Variants in FHIT observed in about 807,000 individuals in gnomAD.
The protein encoded by FHIT is fragile histidine triad diadenosine triphosphatase, also known as bis(5'-adenosyl)-triphosphatase.
Under a neutral mutation model 17.9 loss-of-function variants are expected in FHIT, and 19 were observed. The observed-to-expected ratio is 1.06, with a 90% CI of 0.74 to 1.56. FHIT has a LOEUF of 1.56. Ranked by LOEUF, FHIT falls within the 40% of genes most tolerant of loss-of-function variation. FHIT has a pLI of 0.00. For synonymous variants in FHIT, 81 were observed against 69.7 expected (o/e 1.16, Z -0.81); for missense variants, 248 against 189.2 (o/e 1.31, Z -1.82).
intron 3 of FHIT, among the ~76,000 whole-genome samples, chr3:60,852,225 A>T (rs1173477123): frequency 6.6e-6 from 1 of 152,080 alleles, no homozygotes; most frequent in Non-Finnish European, 1.5e-5. Flanking sequence ...TTTGGACTCT[A>T]ACTGAAACAC....
intron 5 of FHIT, among the ~76,000 whole-genome samples, chr3:60,130,805 A>G (rs1274347443): frequency 3.6e-5 from 5 of 137,074 alleles, no homozygotes; most frequent in African/African-American, 8.7e-5. Flanking sequence ...ACACACATAT[A>G]TATGTGTGTA....
At chr3:61,220,576 C>G (rs1382187269) in intron 1 of FHIT, among the ~76,000 whole-genome samples, 1 of 152,124 alleles carries the variant, frequency 6.6e-6, no homozygotes, top group Non-Finnish European at 1.5e-5. Flanking sequence ...GGGAGCTAAT[C>G]AATATTGTTA....
chr3:61,234,424 G>A (rs1391780663), intron 1 of FHIT, among the ~76,000 whole-genome samples: 3 of 152,172 alleles, frequency 2.0e-5, no homozygotes, highest in African/African-American at 7.2e-5. Context: ...ATACTCTGTA[G>A]ACATTAATGC....
intron 4 of FHIT, among the ~76,000 whole-genome samples, chr3:60,683,346 T>G (rs1427295423): frequency 2.0e-5 from 3 of 152,126 alleles, no homozygotes; most frequent in Non-Finnish European, 4.4e-5. Flanking sequence ...GTTGAAAACT[T>G]TACTGTTTTC....
At chr3:60,431,162 G>T (rs1392722233) in intron 5 of FHIT, among the ~76,000 whole-genome samples, 1 of 151,226 alleles carries the variant, frequency 6.6e-6, no homozygotes, top group Non-Finnish European at 1.5e-5. Context: ...AGTGAGCTGA[G>T]ATCGCACCAC....
At chr3:60,853,746 A>C (rs1431073717) in intron 3 of FHIT, among the ~76,000 whole-genome samples, 1 of 152,078 alleles carries the variant, frequency 6.6e-6, no homozygotes, top group Admixed American at 6.6e-5. Flanking sequence ...TAGTTAGTAA[A>C]CCTGCAAATC....
At chr3:60,404,721 T>A (rs1701788521) in intron 5 of FHIT, among the ~76,000 whole-genome samples, 1 of 152,132 alleles carries the variant, frequency 6.6e-6, no homozygotes, top group Admixed American at 6.5e-5. Flanking sequence ...GAATAGCCTT[T>A]GGATTTGTTG....
chr3:61,179,210 A>G (rs568768501), intron 2 of FHIT, among the ~76,000 whole-genome samples: 63 of 151,934 alleles, frequency 4.1e-4, no homozygotes, highest in Non-Finnish European at 7.4e-4. Context: ...GGGTTTCACC[A>G]TGTTGGCCAG....
At chr3:60,485,452 A>G (rs1179498857) in intron 5 of FHIT, among the ~76,000 whole-genome samples, 1 of 152,192 alleles carries the variant, frequency 6.6e-6, no homozygotes, top group Non-Finnish European at 1.5e-5. Context: ...GTGCATATAC[A>G]CCATGGAATA....
Position 60,095,677 on chromosome 3 carries a change from G to A in FHIT, c.104-81525C>T, listed in dbSNP as rs570819273. Among the ~76,000 whole-genome samples the A allele has an allele frequency of 2.3e-4, 35 of 152,294 alleles. 1 individual carries two copies. The South Asian group carries it at 4.6e-3, about 20-fold the overall frequency. ...CTATTTCAATACAGATGTTTTTCTA[G>A]ATAATCGGCCTCATTGTAAGTTAAA... is the stretch of plus-strand genomic sequence containing the variant. On this transcript the variant is annotated intron_variant, in intron 5 of 9. Coordinates refer to ENST00000492590, the MANE Select transcript of FHIT (RefSeq NM_002012.4).
At chr3:60,541,892 A>G (rs968756781) in intron 4 of FHIT, among the ~76,000 whole-genome samples, 9 of 152,170 alleles carry the variant, frequency 5.9e-5, no homozygotes, top group African/African-American at 2.2e-4. Flanking sequence ...CTACTTGATG[A>G]GCTACTATTA....
chr3:60,388,773 G>C (rs964146933), intron 5 of FHIT, among the ~76,000 whole-genome samples: 1 of 152,194 alleles, frequency 6.6e-6, no homozygotes, highest in Non-Finnish European at 1.5e-5. Flanking sequence ...GCCAGCTCTT[G>C]TGTTCCAAGT....
intron 5 of FHIT, among the ~76,000 whole-genome samples, chr3:60,027,146 CACA>C (rs1478942878): frequency 8.1e-6 from 1 of 122,810 alleles, no homozygotes; most frequent in Non-Finnish European, 1.7e-5. Context: ...CACACACACA[CACA>C]AAATTAGTAA....
intron 3 of FHIT, among the ~76,000 whole-genome samples, chr3:60,987,572 CTGTT>C (rs763415867): frequency 7.2e-5 from 11 of 152,180 alleles, no homozygotes; most frequent in Non-Finnish European, 1.0e-4. Context: ...GGATAAATCT[CTGTT>C]TGGGGCTCTC....
chr3:61,159,118 G>A (rs1033049107), intron 2 of FHIT, among the ~76,000 whole-genome samples: 4 of 152,176 alleles, frequency 2.6e-5, no homozygotes, highest in Non-Finnish European at 4.4e-5. Flanking sequence ...CTGACTTGTA[G>A]TTTATTCTAA....
intron 8 of FHIT, among the ~76,000 whole-genome samples, chr3:59,885,004 G>T (rs1414257670): frequency 6.6e-6 from 1 of 152,168 alleles, no homozygotes; most frequent in Non-Finnish European, 1.5e-5. Flanking sequence ...AGAGCAGTAA[G>T]AAAAATTCAC....
chr3:60,902,336 T>G (rs1284169508), intron 3 of FHIT, among the ~76,000 whole-genome samples: 2 of 152,234 alleles, frequency 1.3e-5, no homozygotes, highest in East Asian at 3.8e-4. Flanking sequence ...AATTTATGCC[T>G]TTTTATTGCT....
chr3:60,249,770 C>T (rs1383202226), intron 5 of FHIT, among the ~76,000 whole-genome samples: 1 of 150,814 alleles, frequency 6.6e-6, no homozygotes, highest in Non-Finnish European at 1.5e-5. Context: ...TCTGTTCTCA[C>T]ACTGCTAATA....
At chr3:59,989,118 A>G (rs1251129242) in intron 7 of FHIT, among the ~76,000 whole-genome samples, 2 of 152,032 alleles carry the variant, frequency 1.3e-5, no homozygotes, top group African/African-American at 4.8e-5. Flanking sequence ...AAATTGGAAA[A>G]AATAGATGAA....
Sources: gnomAD v4.1 joint callset for allele counts (sites outside exome capture counted in the v4.1 genomes callset) on GRCh38, gnomAD v4.1.1 for gene constraint, MANE v1.5 for transcripts, NCBI Gene and HGNC (gene_info 2026-07-23, HGNC 2026-07-21) for gene names.